Variants in TSNAXIP1 observed in about 807,000 individuals in gnomAD.
TSNAXIP1 encodes translin associated factor X interacting protein 1, also known as translin-associated factor X-interacting protein 1.
A neutral mutation model predicts 84.8 loss-of-function variants in TSNAXIP1; 89 were observed. The ratio of observed to expected loss-of-function variants is 1.05; its 90% CI spans 0.88 to 1.25. The LOEUF is 1.25. Ranked by LOEUF, TSNAXIP1 falls within the 50% of genes most tolerant of loss-of-function variation. The probability of loss-of-function intolerance (pLI) is 0.00; values close to 1 mark genes in which losing one functional copy is unlikely to be tolerated. For synonymous variants in TSNAXIP1, 347 were observed against 335.2 expected (o/e 1.04, Z -0.39); for missense variants, 874 against 887.6 (o/e 0.98, Z 0.20).
chr16:67,810,644 A>T (rs1253724932), intron 1 of TSNAXIP1, among the ~76,000 whole-genome samples: 1 of 152,068 alleles, frequency 6.6e-6, no homozygotes, highest in Non-Finnish European at 1.5e-5. Context: ...AAAGTAAATA[A>T]ATAACTGAGT....
intron 5 of TSNAXIP1, among the ~76,000 whole-genome samples, chr16:67,824,256 T>C (rs1487600826): frequency 2.0e-5 from 3 of 151,970 alleles, no homozygotes; most frequent in Non-Finnish European, 4.4e-5. Context: ...CTGTTGAAAA[T>C]GGAGTGAACC....
intron 1 of TSNAXIP1, 113 bp from the exon 2 acceptor site, chr16:67,814,189 A>G (rs2056352959): frequency 1.2e-6 from 1 of 803,286 alleles, no homozygotes; most frequent in African/African-American, 1.7e-5. Flanking sequence ...CGGAGGCAGC[A>G]CCCAGAGCCT....
chr16:67,814,288 C>T lies in TSNAXIP1; in HGVS notation c.48-14C>T. ...ACTCTGTCACCCACCATCAGCTTTCCCTTCTCTGTGCAGATTACAGCCACG... is the reference window on the plus strand; with the variant it reads ...ACTCTGTCACCCACCATCAGCTTTCTCTTCTCTGTGCAGATTACAGCCACG... On this transcript the variant is annotated splice_polypyrimidine_tract_variant and intron_variant, in intron 1 of 15. Coordinates refer to ENST00000561639, the MANE Select transcript of TSNAXIP1 (RefSeq NM_001288990.3). The T allele has an allele frequency of 6.5e-7, 1 of 1,532,174 alleles. No homozygotes were observed. The highest frequency in any genetic ancestry group is 1.4e-5 in the African/African-American group (1 of 73,056). 94.9% of individuals were successfully genotyped at this position (1,532,174 alleles called of 1,614,324 possible).
chr16:67,808,643 C>A (rs1288798864), intron 1 of TSNAXIP1, among the ~76,000 whole-genome samples: 2 of 151,110 alleles, frequency 1.3e-5, no homozygotes, highest in Non-Finnish European at 2.9e-5. Context: ...GAGGCTGAGG[C>A]AGGAGAATCG....
rs755214098 is a variant in TSNAXIP1, at chr16:67,827,901, G to A, written c.2047G>A (p.Ala683Thr). 1.9e-6 allele frequency: 3 copies of A among 1,614,120 alleles called. No individual in the cohort carries two copies. Among genetic ancestry groups the A allele is most frequent in the Non-Finnish European group, 1.7e-6 (2 of 1,180,046 alleles). The change falls in exon 16 of 16, where the codon GCC becomes ACC. Residue 683 changes from alanine (A) to threonine (T), a missense_variant. Coordinates refer to ENST00000561639, the MANE Select transcript of TSNAXIP1 (RefSeq NM_001288990.3). ...MPEEGDEKEEAVVEILQTALE... is the reference protein window; with the variant it reads ...MPEEGDEKEETVVEILQTALE... ...AGAGGAGGGTGACGAGAAGGAAGAA[G>A]CCGTGGTGGAAATCCTCCAGACTGC...
At chr16:67,818,703 CTT>C (rs910240626) in intron 2 of TSNAXIP1, among the ~76,000 whole-genome samples, 40 of 135,474 alleles carry the variant, frequency 3.0e-4, no homozygotes, top group Non-Finnish European at 3.9e-4. Context: ...AGACCCCATC[CTT>C]TTTTTTTTTT....
At chr16:67,820,980 G>A in intron 3 of TSNAXIP1, 29 bp downstream of exon 3, 1 of 1,587,354 alleles carries the variant, frequency 6.3e-7, no homozygotes, top group Non-Finnish European at 8.6e-7. Context: ...CATGGTGGGT[G>A]AGCTGGCATG....
intron 1 of TSNAXIP1, among the ~76,000 whole-genome samples, chr16:67,812,622 T>C (rs999543535): frequency 2.7e-5 from 4 of 149,750 alleles, no homozygotes; most frequent in Non-Finnish European, 5.9e-5. Flanking sequence ...GCCGAGATCA[T>C]GCCATTGCAC....
At chr16:67,809,057 C>T (rs548496848) in intron 1 of TSNAXIP1, among the ~76,000 whole-genome samples, 2 of 146,796 alleles carry the variant, frequency 1.4e-5, no homozygotes, top group East Asian at 4.2e-4. Context: ...AAAGTTTCAG[C>T]TACTCAGGAG....
chr16:67,807,320 CCA>C (rs2055532411), intron 1 of TSNAXIP1, 124 bp downstream of exon 1: 2 of 1,534,244 alleles, frequency 1.3e-6, no homozygotes, highest in Non-Finnish European at 1.7e-6. Flanking sequence ...GGCTCCAGCA[CCA>C]CAGAGTCAAT....
rs1164429760 is a variant in TSNAXIP1 at position 67,825,179 on chromosome 16, T to TA, written c.722dup (p.Tyr241Ter). 2 of 1,614,126 alleles carry TA rather than the reference T, an allele frequency of 1.2e-6. No individual in the cohort carries two copies. Among genetic ancestry groups the TA allele is most frequent in the Admixed American group, 3.3e-5 (2 of 60,020 alleles). ...RKNLAEEYLH[Y>*]LSERDACKIL... Reference sequence around the variant, plus strand: ...GAACTTGGCTGAGGAGTACCTGCACTACCTCAGTGAGCGAGATGCCTGTAA... The same window carrying TA: ...GAACTTGGCTGAGGAGTACCTGCACTAACCTCAGTGAGCGAGATGCCTGTAA... The change falls in exon 7 of 16, where the codon TAC becomes TAAC. Residue 241 changes from tyrosine to a stop codon, truncating the protein, a stop_gained and frameshift_variant. Coordinates refer to ENST00000561639, the MANE Select transcript of TSNAXIP1 (RefSeq NM_001288990.3). LOFTEE classifies it high-confidence loss of function.
Position 67,826,494 on chromosome 16 carries a change from A to C in TSNAXIP1, c.1333A>C (p.Lys445Gln). ...LRFDGLVENK[K>Q]PSKKDVVNLL... ...GTTTGATGGCCTCGTGGAGAACAAGAAGCCAAGCAAGAAGGACGTGGTCAA... is the reference window on the plus strand; with the variant it reads ...GTTTGATGGCCTCGTGGAGAACAAGCAGCCAAGCAAGAAGGACGTGGTCAA... The change falls in exon 11 of 16, where the codon AAG becomes CAG. Residue 445 changes from lysine (K) to glutamine (Q), a missense_variant. Coordinates refer to ENST00000561639, the MANE Select transcript of TSNAXIP1 (RefSeq NM_001288990.3). 1 of 1,614,124 alleles carries C rather than the reference A, an allele frequency of 6.2e-7. No homozygotes were observed. Among genetic ancestry groups the C allele is most frequent in the South Asian group, 1.1e-5 (1 of 91,084 alleles).
chr16:67,823,851 T>A, intron 5 of TSNAXIP1, 132 bp downstream of exon 5: 1 of 651,854 alleles, frequency 1.5e-6, no homozygotes, highest in Non-Finnish European at 2.6e-6. Flanking sequence ...ACCCTGTCTC[T>A]AGTAAAAACA....
chr16:67,825,308 C>T, intron 7 of TSNAXIP1, 36 bp downstream of exon 7: 1 of 1,611,158 alleles, frequency 6.2e-7, no homozygotes, highest in Non-Finnish European at 8.5e-7. Context: ...TCTCTCTTCT[C>T]TGAGACGCTG....
intron 4 of TSNAXIP1, among the ~76,000 whole-genome samples, chr16:67,821,774 G>A (rs988657607): frequency 2.6e-5 from 4 of 152,092 alleles, no homozygotes; most frequent in African/African-American, 9.7e-5. Context: ...AGGATCGCTT[G>A]AGGTCAGGAG....
At chr16:67,820,232 C>T (rs2056933272) in intron 2 of TSNAXIP1, among the ~76,000 whole-genome samples, 1 of 152,028 alleles carries the variant, frequency 6.6e-6, no homozygotes, top group Non-Finnish European at 1.5e-5. Context: ...CTGGGAATTA[C>T]AGGCGTGAGC....
intron 2 of TSNAXIP1, among the ~76,000 whole-genome samples, chr16:67,817,489 C>T (rs1340294688): frequency 1.4e-5 from 2 of 140,144 alleles, no homozygotes; most frequent in Non-Finnish European, 3.1e-5. Context: ...ACCGTGTTAG[C>T]CAGGATGGTC....
rs752088895 is a variant in TSNAXIP1, at chr16:67,827,740, T to C, written c.1899-13T>C. On this transcript the variant is annotated splice_polypyrimidine_tract_variant and intron_variant, in intron 15 of 15. Transcript: ENST00000561639. Reference sequence around the variant, plus strand: ...AGGGGTCAGGGCCTGTCACTCTCTTTCCTGTGGGGCAGCCATGAGGAAGTG... The same window carrying C: ...AGGGGTCAGGGCCTGTCACTCTCTTCCCTGTGGGGCAGCCATGAGGAAGTG... 1.2e-6 allele frequency: 2 copies of C among 1,613,668 alleles called. No homozygotes were observed. The highest frequency in any genetic ancestry group is 2.2e-5 in the South Asian group (2 of 91,042).
At chr16:67,812,756 A>G (rs1452334678) in intron 1 of TSNAXIP1, among the ~76,000 whole-genome samples, 1 of 151,928 alleles carries the variant, frequency 6.6e-6, no homozygotes, top group Non-Finnish European at 1.5e-5. Flanking sequence ...ACCTGAGGTC[A>G]GGAGTTTGAA....
Sources: gnomAD v4.1 joint callset for allele counts (sites outside exome capture counted in the v4.1 genomes callset) on GRCh38, gnomAD v4.1.1 for gene constraint, MANE v1.5 for transcripts, NCBI Gene and HGNC (gene_info 2026-07-23, HGNC 2026-07-21) for gene names.